ARHGEF28: variants seen among roughly 807,000 people sequenced by gnomAD.
The protein encoded by ARHGEF28 is 190 kDa guanine nucleotide exchange factor.
ARHGEF28 carries 152 observed loss-of-function variants against 206.6 expected under a neutral mutation model. That is an observed-to-expected ratio of 0.74 (90% CI 0.64 to 0.84). ARHGEF28 has a LOEUF of 0.84. Ranked by LOEUF, ARHGEF28 falls within the 40% of genes least tolerant of loss-of-function variation. ARHGEF28 has a pLI of 0.00. For synonymous variants in ARHGEF28, 763 were observed against 776.4 expected, an observed-to-expected ratio of 0.98 and a Z score of 0.29; for missense variants, 2,028 against 2,073.2, an observed-to-expected ratio of 0.98 and a Z score of 0.42.
chr5:73,790,638 G>A (rs1177921482), intron 7 of ARHGEF28, among the ~76,000 whole-genome samples: 4 of 149,426 alleles, frequency 2.7e-5, no homozygotes, highest in Admixed American at 2.0e-4. Flanking sequence ...TATTTATACC[G>A]AGCAGGCAAA....
rs185007635 is a variant in ARHGEF28 at position 73,836,934 on chromosome 5, T to G, written c.1147-3546T>G. Among the ~76,000 whole-genome samples, 108 of 152,312 alleles carry G rather than the reference T, an allele frequency of 7.1e-4. 1 individual carries two copies. Among genetic ancestry groups the G allele is most frequent in the Middle Eastern group, 6.8e-3 (2 of 294 alleles). On this transcript the variant is annotated intron_variant, in intron 10 of 35. Transcript: ENST00000513042. Reference sequence around the variant, plus strand: ...AAGGATCTGTCTTTTCTCTGTTGTGTATTTTTAGCACATTTGTTGAAGATT... The same window carrying G: ...AAGGATCTGTCTTTTCTCTGTTGTGGATTTTTAGCACATTTGTTGAAGATT...
At position 73,684,838 on chromosome 5, in the gene ARHGEF28, C is replaced by T. The variant is rs376394890; in HGVS notation, c.-11-3C>T. On this transcript the variant is annotated splice_region_variant and splice_polypyrimidine_tract_variant and intron_variant, in intron 1 of 35. Coordinates refer to ENST00000513042, the MANE Select transcript of ARHGEF28 (RefSeq NM_001177693.2). ...CTTCTCTTGTTTATTATTTTCATTG[C>T]AGATGCGAAAGCCATGGAGTTGAGC... 4.4e-6 allele frequency: 7 copies of T among 1,607,376 alleles called. No individual in the cohort carries two copies. In the African/African-American group the frequency reaches 8.0e-5, roughly 18 times the overall value.
At chr5:73,904,561 G>T in intron 33 of ARHGEF28, 156 bp downstream of exon 33, 2 of 776,692 alleles carry the variant, frequency 2.6e-6, no homozygotes, top group Non-Finnish European at 4.0e-6. Context: ...GGACTCACAT[G>T]GTTTTGTAAT....
At chr5:73,865,448 C>T (rs1334203927) in intron 17 of ARHGEF28, among the ~76,000 whole-genome samples, 1 of 152,108 alleles carries the variant, frequency 6.6e-6, no homozygotes, top group Non-Finnish European at 1.5e-5. Flanking sequence ...GTAGTCATGT[C>T]ACAGATGCAT....
intron 1 of ARHGEF28, among the ~76,000 whole-genome samples, chr5:73,675,973 A>G (rs1365244427): frequency 1.3e-5 from 2 of 151,526 alleles, no homozygotes; most frequent in African/African-American, 4.8e-5. Flanking sequence ...CTGTGTGTGT[A>G]GTATATGATT....
intron 2 of ARHGEF28, among the ~76,000 whole-genome samples, chr5:73,721,815 G>C (rs1204014286): frequency 6.6e-6 from 1 of 152,116 alleles, no homozygotes; most frequent in East Asian, 1.9e-4. Context: ...CTTGATTTTT[G>C]ATCACATAAC....
chr5:73,648,242 A>G (rs774384138), intron 1 of ARHGEF28, among the ~76,000 whole-genome samples: 4 of 152,160 alleles, frequency 2.6e-5, no homozygotes, highest in Non-Finnish European at 2.9e-5. Context: ...TCCACAAATC[A>G]TGTTTCAGAA....
At chr5:73,752,107 T>C (rs1752044686) in intron 3 of ARHGEF28, among the ~76,000 whole-genome samples, 1 of 152,212 alleles carries the variant, frequency 6.6e-6, no homozygotes, top group Non-Finnish European at 1.5e-5. Flanking sequence ...ATAACTCTTC[T>C]CTGTCCAGTC....
At chr5:73,844,839 G>T (rs1281272706) in intron 11 of ARHGEF28, among the ~76,000 whole-genome samples, 2 of 149,558 alleles carry the variant, frequency 1.3e-5, no homozygotes, top group South Asian at 4.2e-4. Flanking sequence ...CAGGAAAGCT[G>T]TTGGCCTCCA....
intron 2 of ARHGEF28, 44 bp downstream of exon 2, chr5:73,684,928 T>C: frequency 6.2e-7 from 1 of 1,603,734 alleles, no homozygotes; most frequent in African/African-American, 1.3e-5. Context: ...GGGCCCTTTC[T>C]TAACTCCAAA....
intron 4 of ARHGEF28, among the ~76,000 whole-genome samples, chr5:73,768,216 C>A (rs1753016020): frequency 6.6e-6 from 1 of 152,108 alleles, no homozygotes; most frequent in African/African-American, 2.4e-5. Context: ...TGGGACCCCC[C>A]ACACAGAGTT....
At chr5:73,768,947 G>T (rs1450838473) in intron 4 of ARHGEF28, among the ~76,000 whole-genome samples, 1 of 152,012 alleles carries the variant, frequency 6.6e-6, no homozygotes, top group Non-Finnish European at 1.5e-5. Context: ...AGGCTCACGA[G>T]ATCTGATAGT....
In ARHGEF28 at chr5:73,909,439, A is replaced by G. The variant is rs1762740557; in HGVS notation, c.4189A>G (p.Ile1397Val). ...CGCCTTGACCATTCAGGACAGCCAC[A>G]TTGAGATCCACAGGCTGGTTCTCCA... The part of the protein sequence containing the change: ...QAALTIQDSH[I>V]EIHRLVLQQQ... Residue 1397 changes from isoleucine (I) to valine (V), a missense_variant, in exon 34 of 36, where the codon ATT becomes GTT. Ile to Val is a conservative substitution (Grantham distance 29). This residue lies in a region of ARHGEF28 where 803 missense variants were observed against 768.0 expected (regional missense o/e 1.05). Transcript: ENST00000513042. The G allele has an allele frequency of 2.5e-6, 4 of 1,611,652 alleles. No homozygotes were observed. Among genetic ancestry groups the G allele is most frequent in the Non-Finnish European group, 3.4e-6 (4 of 1,178,792 alleles).
chr5:73,776,704 C>A lies in ARHGEF28; in HGVS notation c.840+8C>A. The A allele has an allele frequency of 6.2e-7, 1 of 1,600,994 alleles. No individual in the cohort carries two copies. Among genetic ancestry groups the A allele is most frequent in the Non-Finnish European group, 8.5e-7 (1 of 1,171,412 alleles). ...AGAGCCTTTCTTGTCAAGGTTTGTA[C>A]ATAGTGATTCTAGCATGTGATAATG... On this transcript the variant is annotated splice_region_variant and intron_variant, in intron 6 of 35. Transcript: ENST00000513042.
chr5:73,927,666 C>T (rs1436678065), intron 35 of ARHGEF28, among the ~76,000 whole-genome samples: 2 of 152,264 alleles, frequency 1.3e-5, no homozygotes, highest in East Asian at 1.9e-4. Context: ...GCTTTATGTT[C>T]TCTTTTGATT....
chr5:73,778,465 G>T (rs750512005), intron 6 of ARHGEF28, among the ~76,000 whole-genome samples: 4 of 152,092 alleles, frequency 2.6e-5, no homozygotes, highest in Non-Finnish European at 5.9e-5. Context: ...AATGGAGATG[G>T]CTCTCCAGTT....
chr5:73,730,512 CA>C (rs1750549613), intron 2 of ARHGEF28, among the ~76,000 whole-genome samples: 1 of 146,912 alleles, frequency 6.8e-6, no homozygotes, highest in Non-Finnish European at 1.5e-5. Flanking sequence ...AATATAGGTT[CA>C]AACTGTCCAC....
intron 4 of ARHGEF28, among the ~76,000 whole-genome samples, chr5:73,764,677 C>T (rs1752801369): frequency 1.3e-5 from 2 of 152,194 alleles, no homozygotes; most frequent in Non-Finnish European, 2.9e-5. Context: ...TCCTCCTCTA[C>T]CTTTTGGGCT....
intron 4 of ARHGEF28, among the ~76,000 whole-genome samples, chr5:73,771,510 C>T (rs534482060): frequency 2.3e-4 from 34 of 151,042 alleles, no homozygotes; most frequent in South Asian, 8.4e-4. Context: ...ATTGCACCAC[C>T]GCACTCCAGC....
Sources: allele counts gnomAD v4.1 joint callset (sites outside exome capture counted in the v4.1 genomes callset), GRCh38; gene constraint gnomAD v4.1.1; regional missense constraint gnomAD v4.1.1; transcripts MANE v1.5; gene names NCBI Gene and HGNC (gene_info 2026-07-23, HGNC 2026-07-21).